The following ADAMTS2 variants were observed in gnomAD, a reference collection of about 807,000 sequenced individuals.
ADAMTS2 encodes ADAM metallopeptidase with thrombospondin type 1 motif 2.
ADAMTS2 carries 50 observed loss-of-function variants against 123.0 expected under a neutral mutation model. That is an observed-to-expected ratio of 0.41 (90% CI 0.32 to 0.51). ADAMTS2 has a LOEUF of 0.51. ADAMTS2 is among the 20% of genes least tolerant of loss of function. The pLI is 0.35. For synonymous variants in ADAMTS2, 678 were observed against 695.4 expected (o/e 0.98, Z 0.39); for missense variants, 1,494 against 1,705.2 (o/e 0.88, Z 2.18).
chr5:179,323,191 T>C (rs1757232694), intron 2 of ADAMTS2, among the ~76,000 whole-genome samples: 1 of 152,348 alleles, frequency 6.6e-6, no homozygotes, highest in South Asian at 2.1e-4. Flanking sequence ...GCACATCTGA[T>C]GGAAAATCCA....
rs765389022 is a variant in ADAMTS2, at chr5:179,153,582, C to G, written c.1424G>C (p.Trp475Ser). The G allele has an allele frequency of 6.2e-7, 1 of 1,608,136 alleles. No homozygotes were observed. Among genetic ancestry groups the G allele is most frequent in the Non-Finnish European group, 8.5e-7 (1 of 1,179,760 alleles). Residue 475 changes from tryptophan (W) to serine (S), a missense_variant, in exon 9 of 22, where the codon TGG becomes TCG. Transcript: ENST00000251582. ...TCCCGGGAGCTGGGGCAGCGCCGGC[C>G]AGTCGTGGGCGAAGGGGTCATCCAG... ...CLLDDPFAHD[W>S]PALPQLPGLH... is the part of the protein sequence containing the mutation.
chr5:179,167,250 C>T (rs529261406), intron 5 of ADAMTS2, among the ~76,000 whole-genome samples: 77 of 152,088 alleles, frequency 5.1e-4, no homozygotes, highest in African/African-American at 1.8e-3. Flanking sequence ...GCGGGGCGGG[C>T]AGAGGAAGGG....
intron 5 of ADAMTS2, among the ~76,000 whole-genome samples, chr5:179,161,806 G>A (rs1763597681): frequency 6.6e-6 from 1 of 152,098 alleles, no homozygotes; most frequent in South Asian, 2.1e-4. Context: ...CCAGAAATAT[G>A]TACAATTATT....
At chr5:179,217,794 A>AGATAGGCACACTCGCTAGGAGATGGTGTG (rs1189597143) in intron 3 of ADAMTS2, among the ~76,000 whole-genome samples, 1,666 of 91,114 alleles carry the variant, frequency 0.018, 105 homozygotes, top group Middle Eastern at 0.072. Flanking sequence ...GGGATGGCGC[A>AGATAGGCACACTCGCTAGGAGATGGTGTG]AGGGGGGGAT....
At position 179,162,828 on chromosome 5, in the gene ADAMTS2, G is replaced by C. The variant is rs1201126723; in HGVS notation, c.976-3949C>G. ...AAAGCCAATTCTGAGTTGTGCTCTT[G>C]TCACTTGCAGCGAAGAGAATCTGAG... On this transcript the variant is annotated intron_variant, in intron 5 of 21. Coordinates refer to ENST00000251582, the MANE Select transcript of ADAMTS2 (RefSeq NM_014244.5). This position sits in a 1 kb window ranked among gnomAD's most constrained non-coding sequence, Gnocchi z 5.1. Among the ~76,000 whole-genome samples, 1 of 152,246 alleles carries C rather than the reference G, an allele frequency of 6.6e-6. No individual in the cohort carries two copies. Among genetic ancestry groups the C allele is most frequent in the African/African-American group, 2.4e-5 (1 of 41,468 alleles).
intron 3 of ADAMTS2, among the ~76,000 whole-genome samples, chr5:179,265,314 C>T (rs967492400): frequency 3.9e-5 from 6 of 152,250 alleles, no homozygotes; most frequent in African/African-American, 1.4e-4. Flanking sequence ...AACCAGAAAC[C>T]ATGTCGGGAG....
chr5:179,267,726 G>A (rs1011647176), intron 3 of ADAMTS2, among the ~76,000 whole-genome samples: 4 of 152,210 alleles, frequency 2.6e-5, no homozygotes, highest in Non-Finnish European at 4.4e-5. Context: ...CCCCAGGCAT[G>A]ACAGCTCCCA....
chr5:179,217,431 AT>A (rs573644393), intron 3 of ADAMTS2, among the ~76,000 whole-genome samples: 6 of 152,238 alleles, frequency 3.9e-5, no homozygotes, highest in Non-Finnish European at 8.8e-5. Context: ...GGCTGGGGAG[AT>A]AAATGGCTTT....
intron 2 of ADAMTS2, among the ~76,000 whole-genome samples, chr5:179,281,622 C>T (rs753528765): frequency 2.0e-5 from 3 of 152,160 alleles, no homozygotes; most frequent in Non-Finnish European, 4.4e-5. Context: ...TGGTTTTTGG[C>T]TCCTATGCAT....
chr5:179,237,042 C>A (rs898764432), intron 3 of ADAMTS2, among the ~76,000 whole-genome samples: 1 of 152,020 alleles, frequency 6.6e-6, no homozygotes, highest in African/African-American at 2.4e-5. Flanking sequence ...ATAGCTTGAG[C>A]ACAGAAGTAC....
Position 179,154,794 on chromosome 5 carries a change from C to T in ADAMTS2, c.1238+20G>A. The stretch of plus-strand genomic sequence containing the variant: ...CCTAGGGTGGCCCCTCTGTGCCCCA[C>T]CCTTCCCCAGGCCACTTACACGTGG... On this transcript the variant is annotated intron_variant, in intron 7 of 21. Coordinates refer to ENST00000251582, the MANE Select transcript of ADAMTS2 (RefSeq NM_014244.5). 1 of 1,591,978 alleles carries T rather than the reference C, an allele frequency of 6.3e-7. No individual in the cohort carries two copies. The highest frequency in any genetic ancestry group is 1.1e-5 in the South Asian group (1 of 88,130).
chr5:179,215,849 G>T (rs557408407), intron 3 of ADAMTS2, among the ~76,000 whole-genome samples: 2 of 152,178 alleles, frequency 1.3e-5, no homozygotes, highest in Non-Finnish European at 2.9e-5. Flanking sequence ...CTCAAAAGCA[G>T]CATTCGATGC....
At chr5:179,324,863 G>T (rs1467704159) in intron 2 of ADAMTS2, among the ~76,000 whole-genome samples, 1 of 152,194 alleles carries the variant, frequency 6.6e-6, no homozygotes, top group Non-Finnish European at 1.5e-5. Flanking sequence ...GAAGAGGGGT[G>T]ATGAGAAGTT....
At position 179,181,503 on chromosome 5, in the gene ADAMTS2, C is replaced by T. The variant is rs560915361; in HGVS notation, c.892-348G>A. Among the ~76,000 whole-genome samples the T allele has an allele frequency of 2.0e-5, 3 of 152,254 alleles. No individual in the cohort carries two copies. The highest frequency in any genetic ancestry group is 2.1e-4 in the South Asian group (1 of 4,826). ...ACACAACCTTCCCTTCAACAGTGAA[C>T]GTGGGTGATGGACCCCCGCGGCACA... is the stretch of plus-strand genomic sequence containing the variant. On this transcript the variant is annotated intron_variant, in intron 4 of 21. Transcript: ENST00000251582. This position sits in a 1 kb window ranked among gnomAD's most constrained non-coding sequence, Gnocchi z 4.1.
chr5:179,159,761 T>C (rs2113267463), intron 5 of ADAMTS2, among the ~76,000 whole-genome samples: 1 of 152,242 alleles, frequency 6.6e-6, no homozygotes, highest in East Asian at 1.9e-4. Flanking sequence ...CTTGCCCAGG[T>C]CATGAAACTA....
chr5:179,333,619 T>A (rs1757535531), intron 2 of ADAMTS2, among the ~76,000 whole-genome samples: 1 of 143,012 alleles, frequency 7.0e-6, no homozygotes, highest in South Asian at 2.5e-4. Context: ...TTTTTTTTTT[T>A]AGACAGAGTC....
At chr5:179,190,127 A>G (rs1226116837) in intron 4 of ADAMTS2, among the ~76,000 whole-genome samples, 4 of 152,194 alleles carry the variant, frequency 2.6e-5, no homozygotes, top group African/African-American at 9.7e-5. Flanking sequence ...ATGATGGCTT[A>G]GCTTGGGCTC....
intron 2 of ADAMTS2, among the ~76,000 whole-genome samples, chr5:179,337,588 C>T (rs1364502702): frequency 6.6e-6 from 1 of 152,212 alleles, no homozygotes; most frequent in Non-Finnish European, 1.5e-5. Context: ...CAGGGCTGCC[C>T]AAGCCAGAGA....
chr5:179,254,668 C>T (rs1766005119), intron 3 of ADAMTS2, among the ~76,000 whole-genome samples: 1 of 152,240 alleles, frequency 6.6e-6, no homozygotes, highest in African/African-American at 2.4e-5. Flanking sequence ...CACACACTCC[C>T]TCTCACTGTC....
Sources: gnomAD v4.1 joint callset for allele counts (sites outside exome capture counted in the v4.1 genomes callset) on GRCh38, gnomAD v4.1.1 for gene constraint, Gnocchi (gnomAD v3.1) non-coding constraint, MANE v1.5 for transcripts, NCBI Gene and HGNC (gene_info 2026-07-23, HGNC 2026-07-21) for gene names.